Variants in PRELID2 observed in about 807,000 individuals in gnomAD.
PRELID2 encodes the protein PRELI domain containing 2.
Under a neutral mutation model 28.4 loss-of-function variants are expected in PRELID2, and 25 were observed. The ratio of observed to expected loss-of-function variants is 0.88; its 90% CI spans 0.64 to 1.23. PRELID2 has a LOEUF of 1.23. Ranked by LOEUF, PRELID2 falls within the 50% of genes most tolerant of loss-of-function variation. PRELID2 has a pLI of 0.00. For missense variants in PRELID2, 201 were observed against 214.4 expected (o/e 0.94, Z 0.39); for synonymous variants, 76 against 71.6 (o/e 1.06, Z -0.31).
chr5:145,421,327 C>A, the PRELID2 span, among the ~76,000 whole-genome samples: 1 of 149,946 alleles, frequency 6.7e-6, no homozygotes, highest in Admixed American at 6.7e-5. Flanking sequence ...CCTCCTTGTA[C>A]CTCTGGTAGA....
chr5:145,543,200 T>C (rs1300177898), intron 1 of PRELID2, among the ~76,000 whole-genome samples: 1 of 152,138 alleles, frequency 6.6e-6, no homozygotes, highest in Non-Finnish European at 1.5e-5. Context: ...CTGATTCTTC[T>C]GCTAGGATGT....
the PRELID2 span, among the ~76,000 whole-genome samples, chr5:145,380,074 C>A: frequency 6.6e-6 from 1 of 152,210 alleles, no homozygotes; most frequent in Non-Finnish European, 1.5e-5. Context: ...GCACCAAACC[C>A]TCTGGGCTCT....
At chr5:145,564,810 T>A (rs1211896836) in intron 1 of PRELID2, among the ~76,000 whole-genome samples, 2 of 152,182 alleles carry the variant, frequency 1.3e-5, no homozygotes, top group Non-Finnish European at 2.9e-5. Context: ...CCTTTCCAAC[T>A]TTTTCCAAAT....
the PRELID2 span, among the ~76,000 whole-genome samples, chr5:145,264,569 C>A: frequency 6.6e-6 from 1 of 152,068 alleles, no homozygotes; most frequent in Non-Finnish European, 1.5e-5. Flanking sequence ...AGCAACCCCC[C>A]AGAGAACTTC....
At chr5:145,697,080 T>TACAC (rs1491186707) in intron 1 of PRELID2, among the ~76,000 whole-genome samples, 93 of 85,912 alleles carry the variant, frequency 1.1e-3, no homozygotes, top group South Asian at 3.0e-3. Flanking sequence ...TATATATATA[T>TACAC]ACACACACAC....
chr5:145,783,755 T>C (rs1751797262), intron 5 of PRELID2, among the ~76,000 whole-genome samples: 1 of 152,324 alleles, frequency 6.6e-6, no homozygotes, highest in Non-Finnish European at 1.5e-5. Flanking sequence ...GTCTCCGATA[T>C]ATAGTCAGTA....
intron 5 of PRELID2, among the ~76,000 whole-genome samples, chr5:145,786,771 T>C (rs1752017351): frequency 6.6e-6 from 1 of 152,248 alleles, no homozygotes. Flanking sequence ...AAATGCCTAC[T>C]TGAACTACAT....
chr5:145,238,963 C>CTCTATCTA, the PRELID2 span, among the ~76,000 whole-genome samples: 74 of 151,946 alleles, frequency 4.9e-4, no homozygotes, highest in Non-Finnish European at 6.6e-4. Flanking sequence ...ATCTATCTGT[C>CTCTATCTA]TCTATCTATC....
At chr5:145,444,797 A>G in the PRELID2 span, among the ~76,000 whole-genome samples, 6 of 152,214 alleles carry the variant, frequency 3.9e-5, no homozygotes, top group South Asian at 1.2e-3. Context: ...AAGTGCCTAT[A>G]ATATGCCAAG....
At chr5:145,253,197 CAG>C in the PRELID2 span, among the ~76,000 whole-genome samples, 1 of 152,032 alleles carries the variant, frequency 6.6e-6, no homozygotes, top group Admixed American at 6.6e-5. Context: ...GTAGGATTCC[CAG>C]AGAGATGATA....
chr5:145,361,373 C>T, the PRELID2 span, among the ~76,000 whole-genome samples: 1 of 152,120 alleles, frequency 6.6e-6, no homozygotes, highest in African/African-American at 2.4e-5. Flanking sequence ...AAACCAATGA[C>T]CAAATAACAC....
chr5:145,403,503 G>A, the PRELID2 span, among the ~76,000 whole-genome samples: 1 of 152,214 alleles, frequency 6.6e-6, no homozygotes, highest in African/African-American at 2.4e-5. Flanking sequence ...GTCTCCCCAT[G>A]CTGGCCCTAT....
chr5:145,694,812 A>G (rs201440208), intron 1 of PRELID2, among the ~76,000 whole-genome samples: 4 of 151,716 alleles, frequency 2.6e-5, no homozygotes, highest in African/African-American at 9.7e-5. Context: ...AAAAAAAAAA[A>G]GGAAAGAGTG....
intron 5 of PRELID2, among the ~76,000 whole-genome samples, chr5:145,768,832 CT>C (rs1369060927): frequency 1.3e-5 from 2 of 151,990 alleles, no homozygotes; most frequent in Non-Finnish European, 2.9e-5. Flanking sequence ...TTTTCTTTCC[CT>C]TTTTCCCCCC....
intron 1 of PRELID2, among the ~76,000 whole-genome samples, chr5:145,557,686 T>C (rs1402385673): frequency 2.6e-5 from 4 of 152,184 alleles, no homozygotes; most frequent in Non-Finnish European, 5.9e-5. Context: ...TCTAAATGCT[T>C]GAAGGCACTA....
intron 1 of PRELID2, among the ~76,000 whole-genome samples, chr5:145,682,105 G>T (rs1279016887): frequency 6.6e-6 from 1 of 152,012 alleles, no homozygotes; most frequent in African/African-American, 2.4e-5. Context: ...ATGCAGGAGT[G>T]GTGTTTAGAA....
chr5:145,417,475 T>A, the PRELID2 span, among the ~76,000 whole-genome samples: 1 of 152,276 alleles, frequency 6.6e-6, no homozygotes, highest in Middle Eastern at 3.4e-3. Context: ...ATATCCTTGA[T>A]GAACCTCAAT....
the PRELID2 span, among the ~76,000 whole-genome samples, chr5:145,262,615 G>A: frequency 2.0e-5 from 3 of 151,784 alleles, no homozygotes; most frequent in Admixed American, 6.6e-5. Context: ...GAAAGAGACA[G>A]CCTTTTCCAG....
At chr5:145,373,969 A>C in the PRELID2 span, among the ~76,000 whole-genome samples, 5 of 144,398 alleles carry the variant, frequency 3.5e-5, no homozygotes, top group African/African-American at 1.0e-4. Flanking sequence ...ATAACATATA[A>C]TATATATTAT....
Sources: allele counts gnomAD v4.1 joint callset (sites outside exome capture counted in the v4.1 genomes callset), GRCh38; gene constraint gnomAD v4.1.1; transcripts MANE v1.5; gene names NCBI Gene and HGNC (gene_info 2026-07-23, HGNC 2026-07-21).